Variants in SLC22A25 observed in about 807,000 individuals in gnomAD.
SLC22A25 encodes solute carrier family 22 member 25.
In SLC22A25, 44 loss-of-function variants were observed where a neutral mutation model predicts 45.9. That is an observed-to-expected ratio of 0.96 (90% CI 0.75 to 1.23). The LOEUF (loss-of-function observed/expected upper bound fraction) is 1.23, where lower values mean the gene tolerates loss of function less well. SLC22A25 is among the 50% of genes most tolerant of loss of function. The pLI is 0.00. For synonymous variants in SLC22A25, 283 were observed against 238.6 expected (o/e 1.19, Z -1.72); for missense variants, 800 against 666.4 (o/e 1.20, Z -2.21).
At chr11:63,187,512 C>G (rs867874282) in intron 7 of SLC22A25, among the ~76,000 whole-genome samples, 1 of 152,186 alleles carries the variant, frequency 6.6e-6, no homozygotes, top group African/African-American at 2.4e-5. Flanking sequence ...TTGACTTCCT[C>G]TTTTCCTAAT....
At chr11:63,186,873 C>G (rs1037047932) in intron 7 of SLC22A25, among the ~76,000 whole-genome samples, 1 of 152,044 alleles carries the variant, frequency 6.6e-6, no homozygotes, top group African/African-American at 2.4e-5. Flanking sequence ...GGCATTATTT[C>G]TGAGGGCTCT....
At chr11:63,182,366 A>T (rs1490710211) in intron 8 of SLC22A25, among the ~76,000 whole-genome samples, 1 of 151,956 alleles carries the variant, frequency 6.6e-6, no homozygotes, top group Admixed American at 6.6e-5. Context: ...CTTCTGTAAG[A>T]GTAGCTTTTA....
rs1171084361 is a variant in SLC22A25 at position 63,243,489 on chromosome 11, G to C, written c.-1051C>G. 1.3e-6 allele frequency: 1 copy of C among 763,318 alleles called. No homozygotes were observed. Among genetic ancestry groups the C allele is most frequent in the African/African-American group, 1.7e-5 (1 of 58,742 alleles). The allele number at this position is 763,318 out of a possible 1,614,324, so 47.3% of individuals were successfully genotyped here. ...TCAAAGTCCCATCTGCAACTCCTGG[G>C]TGCTGTCTGCATGTTCCTGGCCTCC... is the stretch of plus-strand genomic sequence containing the variant. On this transcript the variant is annotated 5_prime_UTR_variant, in exon 1 of 12. Coordinates refer to ENST00000306494, the MANE Select transcript of SLC22A25 (RefSeq NM_199352.6).
rs2087513680 is a variant in SLC22A25 at position 63,158,437 on chromosome 11, T to C, written c.*5387A>G. On this transcript the variant is annotated 3_prime_UTR_variant, in exon 12 of 12. Transcript: ENST00000306494. ...TCAAATAGAAATTTTTAAACAAATATATATTTTAAAATGTTTTATTTTTAA... is the reference window on the plus strand; with the variant it reads ...TCAAATAGAAATTTTTAAACAAATACATATTTTAAAATGTTTTATTTTTAA... 6.6e-6 allele frequency among the ~76,000 whole-genome samples: 1 copy of C among 152,174 alleles called. No individual in the cohort carries two copies. The highest frequency in any genetic ancestry group is 6.5e-5 in the Admixed American group (1 of 15,274).
At chr11:63,224,819 G>T (rs2089924468) in intron 5 of SLC22A25, among the ~76,000 whole-genome samples, 1 of 151,984 alleles carries the variant, frequency 6.6e-6, no homozygotes, top group South Asian at 2.1e-4. Flanking sequence ...GTTGTTTTAG[G>T]CTGGGGGCGG....
At chr11:63,211,121 AC>A (rs899756353) in intron 7 of SLC22A25, among the ~76,000 whole-genome samples, 1 of 151,408 alleles carries the variant, frequency 6.6e-6, no homozygotes, top group African/African-American at 2.4e-5. Context: ...GCTGAGGAAA[AC>A]CCCCCTGGAC....
chr11:63,169,572 G>T (rs1474792928), intron 9 of SLC22A25, among the ~76,000 whole-genome samples: 3 of 151,852 alleles, frequency 2.0e-5, no homozygotes, highest in Non-Finnish European at 2.9e-5. Flanking sequence ...ACAAAGAAGG[G>T]CATTACATAA....
At chr11:63,191,564 G>C (rs146063310) in intron 7 of SLC22A25, among the ~76,000 whole-genome samples, 5,481 of 152,134 alleles carry the variant, frequency 0.036, 334 homozygotes, top group African/African-American at 0.12. Flanking sequence ...TGCACCCACT[G>C]TCTGACACTC....
At chr11:63,239,498 C>T (rs754583665) in intron 1 of SLC22A25, among the ~76,000 whole-genome samples, 1 of 152,098 alleles carries the variant, frequency 6.6e-6, no homozygotes, top group East Asian at 1.9e-4. Flanking sequence ...GCAGTCTTTT[C>T]CAGAATGTGT....
intron 7 of SLC22A25, among the ~76,000 whole-genome samples, chr11:63,213,627 G>C (rs1439506828): frequency 6.6e-6 from 1 of 152,172 alleles, no homozygotes; most frequent in African/African-American, 2.4e-5. Flanking sequence ...ACTTCTGTGT[G>C]AAAATCCCCA....
intron 5 of SLC22A25, chr11:63,219,921 A>G (rs1213227744): frequency 1.6e-6 from 2 of 1,289,060 alleles, no homozygotes; most frequent in Non-Finnish European, 2.0e-6. Flanking sequence ...TCAGGGTTTC[A>G]GGAGAGATAC....
At chr11:63,217,759 T>C (rs1019422498) in intron 5 of SLC22A25, 24 bp from the exon 6 acceptor site, 8 of 1,585,388 alleles carry the variant, frequency 5.0e-6, no homozygotes, top group Admixed American at 1.9e-5. Flanking sequence ...GCACATTAGA[T>C]AATGGGAACA....
intron 7 of SLC22A25, among the ~76,000 whole-genome samples, chr11:63,196,132 G>T (rs966248722): frequency 7.9e-5 from 12 of 152,174 alleles, no homozygotes; most frequent in African/African-American, 2.9e-4. Context: ...ACCAAAAAAA[G>T]TCCAGGACCA....
chr11:63,215,275 C>T (rs2089681328), intron 7 of SLC22A25, among the ~76,000 whole-genome samples: 1 of 152,156 alleles, frequency 6.6e-6, no homozygotes, highest in African/African-American at 2.4e-5. Flanking sequence ...AGTTCATGTC[C>T]TTTGCAGGGA....
chr11:63,160,134 T>C lies in SLC22A25; in HGVS notation c.*3690A>G, dbSNP rs893675802. On this transcript the variant is annotated 3_prime_UTR_variant, in exon 12 of 12. Coordinates refer to ENST00000306494, the MANE Select transcript of SLC22A25 (RefSeq NM_199352.6). Reference sequence around the variant, plus strand: ...CATTTTCTGAGGAGAAATTCAAGCCTGCTGCAGAAATTTGCATAAGTAATG... The same window carrying C: ...CATTTTCTGAGGAGAAATTCAAGCCCGCTGCAGAAATTTGCATAAGTAATG... 1.3e-5 allele frequency among the ~76,000 whole-genome samples: 2 copies of C among 152,206 alleles called. No homozygotes were observed. The highest frequency in any genetic ancestry group is 2.9e-5 in the Non-Finnish European group (2 of 68,030).
At chr11:63,236,087 T>C (rs1389724037) in intron 3 of SLC22A25, among the ~76,000 whole-genome samples, 1 of 152,044 alleles carries the variant, frequency 6.6e-6, no homozygotes, top group Non-Finnish European at 1.5e-5. Flanking sequence ...CTACTTGGTG[T>C]TCAGGGACCC....
intron 9 of SLC22A25, among the ~76,000 whole-genome samples, chr11:63,171,879 G>A (rs1590784686): frequency 6.6e-6 from 1 of 152,244 alleles, no homozygotes; most frequent in African/African-American, 2.4e-5. Context: ...CAAAGCTGGA[G>A]GCATCATACT....
chr11:63,202,806 C>G (rs1002304869), intron 7 of SLC22A25, among the ~76,000 whole-genome samples: 4 of 152,224 alleles, frequency 2.6e-5, no homozygotes, highest in African/African-American at 9.6e-5. Flanking sequence ...TTGAGCTCTG[C>G]TAAGGGACAG....
In SLC22A25 at chr11:63,229,721, ATTTCC is replaced by A; in HGVS notation, c.-74_-70del. ...ATCCAGATAAGTTCAAAGAGAAAAT[ATTTCC>A]TTTCCTTAAATCACACTAAGTGTGT... On this transcript the variant is annotated 5_prime_UTR_variant, in exon 4 of 12. Coordinates refer to ENST00000306494, the MANE Select transcript of SLC22A25 (RefSeq NM_199352.6). The A allele has an allele frequency of 6.8e-7, 1 of 1,472,942 alleles. No individual in the cohort carries two copies. The highest frequency in any genetic ancestry group is 1.3e-5 in the South Asian group (1 of 76,328). 91.2% of individuals were successfully genotyped at this position (1,472,942 alleles called of 1,614,324 possible).
Sources: gnomAD v4.1 joint callset for allele counts (sites outside exome capture counted in the v4.1 genomes callset) on GRCh38, gnomAD v4.1.1 for gene constraint, MANE v1.5 for transcripts, NCBI Gene and HGNC (gene_info 2026-07-23, HGNC 2026-07-21) for gene names.